SLC22A23: variants seen among roughly 807,000 people sequenced by gnomAD.
SLC22A23 encodes solute carrier family 22 member 23, also known as ion transporter protein.
Under a neutral mutation model 61.0 loss-of-function variants are expected in SLC22A23, and 26 were observed. The observed-to-expected ratio is 0.43, with a 90% CI of 0.31 to 0.59. The LOEUF is 0.59. SLC22A23 is among the 20% of genes least tolerant of loss of function. The pLI, the probability that SLC22A23 is intolerant of heterozygous loss-of-function variation, is 0.11. For synonymous variants in SLC22A23, 430 were observed against 413.9 expected, an observed-to-expected ratio of 1.04 and a Z score of -0.47; for missense variants, 796 against 934.7, an observed-to-expected ratio of 0.85 and a Z score of 1.94.
intron 4 of SLC22A23, among the ~76,000 whole-genome samples, chr6:3,316,294 T>G (rs943064479): frequency 2.2e-4 from 34 of 152,234 alleles, no homozygotes; most frequent in African/African-American, 8.2e-4. Flanking sequence ...CTCTGGTTCC[T>G]TGGATCCAGG....
intron 3 of SLC22A23, among the ~76,000 whole-genome samples, chr6:3,345,363 CTTTTTTTTTT>C (rs1163840651): frequency 8.0e-6 from 1 of 124,762 alleles, no homozygotes; most frequent in South Asian, 2.6e-4. Context: ...TATCTCTTTT[CTTTTTTTTTT>C]TTTTTTTTTG....
chr6:3,356,272 C>T (rs1765096788), intron 3 of SLC22A23, among the ~76,000 whole-genome samples: 1 of 151,284 alleles, frequency 6.6e-6, no homozygotes, highest in Non-Finnish European at 1.5e-5. Context: ...ATCTGGACTT[C>T]TGGCTCCTGG....
chr6:3,354,152 C>T (rs1414450825), intron 3 of SLC22A23, among the ~76,000 whole-genome samples: 2 of 152,206 alleles, frequency 1.3e-5, no homozygotes, highest in African/African-American at 4.8e-5. Context: ...AGACAAGAGC[C>T]ACATGCAACT....
intron 3 of SLC22A23, among the ~76,000 whole-genome samples, chr6:3,379,714 T>C (rs1766832136): frequency 6.6e-6 from 1 of 151,922 alleles, no homozygotes; most frequent in Admixed American, 6.6e-5. Flanking sequence ...GTTGAAAACC[T>C]AAACCTTTGC....
intron 6 of SLC22A23, among the ~76,000 whole-genome samples, chr6:3,287,456 A>C (rs1237098488): frequency 6.7e-6 from 1 of 149,992 alleles, no homozygotes; most frequent in Non-Finnish European, 1.5e-5. Flanking sequence ...CCGCAATCCA[A>C]CAGCCACTGC....
chr6:3,359,493 C>G (rs533253675), intron 3 of SLC22A23, among the ~76,000 whole-genome samples: 3 of 152,196 alleles, frequency 2.0e-5, no homozygotes, highest in African/African-American at 7.2e-5. Flanking sequence ...TGTGGTAGCC[C>G]TTCACATCCA....
chr6:3,440,973 T>TCC (rs991179657), intron 1 of SLC22A23, among the ~76,000 whole-genome samples: 46 of 152,238 alleles, frequency 3.0e-4, no homozygotes, highest in African/African-American at 8.7e-4. Flanking sequence ...TTGTGTGGGG[T>TCC]CCGGCATCAG....
intron 3 of SLC22A23, among the ~76,000 whole-genome samples, chr6:3,380,248 T>G (rs1385909988): frequency 6.6e-6 from 1 of 152,172 alleles, no homozygotes; most frequent in Non-Finnish European, 1.5e-5. Context: ...CTGAAATGAA[T>G]TGGTCTGGGT....
At chr6:3,375,189 A>G (rs1217045391) in intron 3 of SLC22A23, among the ~76,000 whole-genome samples, 6 of 152,230 alleles carry the variant, frequency 3.9e-5, no homozygotes. Flanking sequence ...GCAGAAAAAA[A>G]TGACAAACAA....
At chr6:3,295,475 G>A (rs868233009) in intron 5 of SLC22A23, among the ~76,000 whole-genome samples, 1 of 152,302 alleles carries the variant, frequency 6.6e-6, no homozygotes, top group African/African-American at 2.4e-5. Context: ...GGCACTGGGA[G>A]GCACTGGAGA....
rs1272244579 is a variant in SLC22A23, at chr6:3,456,061, C to A, written c.499G>T (p.Ala167Ser). Residue 167 changes from alanine (A) to serine (S), a missense_variant, in exon 1 of 10, where the codon GCT becomes TCT. Physicochemically the swap from Ala to Ser is moderately conservative, Grantham distance 99. Transcript: ENST00000406686. This position sits in a 1 kb window ranked among gnomAD's most constrained non-coding sequence, Gnocchi z 7.1. ...TTPFATAPWE[A>S]AGNRSNSSGA... Reference sequence around the variant, plus strand: ...CTGCTGTTGCTCCGGTTGCCCGCAGCCTCCCAGGGGGCAGTGGCGAAGGGG... The same window carrying A: ...CTGCTGTTGCTCCGGTTGCCCGCAGACTCCCAGGGGGCAGTGGCGAAGGGG... 1.3e-6 allele frequency: 2 copies of A among 1,549,382 alleles called. No individual in the cohort carries two copies. Among genetic ancestry groups the A allele is most frequent in the African/African-American group, 2.7e-5 (2 of 73,144 alleles).
rs1581571606 is a variant in SLC22A23, at chr6:3,272,777, A to G, written c.*278T>C. 6.6e-6 allele frequency: 2 copies of G among 300,780 alleles called. No homozygotes were observed. Among genetic ancestry groups the G allele is most frequent in the East Asian group, 7.0e-5 (1 of 14,240 alleles). The allele number at this position is 300,780 out of a possible 1,614,324, so 18.6% of individuals were successfully genotyped here. A position where few individuals can be genotyped will look rare whatever the true frequency, so the allele number is the denominator to read the frequency against. On this transcript the variant is annotated 3_prime_UTR_variant, in exon 10 of 10. Coordinates refer to ENST00000406686, the MANE Select transcript of SLC22A23 (RefSeq NM_015482.2). ...GGTGATTCCATTTGTGATCAGTGAG[A>G]GGGAGAGGGAATAAAGTGCTTCTCG...
chr6:3,284,050 C>T (rs1759738100), intron 8 of SLC22A23, 75 bp from the exon 9 acceptor site: 1 of 1,446,292 alleles, frequency 6.9e-7, no homozygotes, highest in African/African-American at 1.4e-5. Context: ...CCTGGGGCTG[C>T]ACAGCACAGC....
At chr6:3,279,536 A>AAAAAAAAAAAAAAAAAAC in intron 9 of SLC22A23, among the ~76,000 whole-genome samples, 1 of 146,950 alleles carries the variant, frequency 6.8e-6, no homozygotes. Context: ...AAAAAAAAAA[A>AAAAAAAAAAAAAAAAAAC]TCCTTGACAT....
chr6:3,431,298 A>G (rs141709442), intron 1 of SLC22A23, among the ~76,000 whole-genome samples: 6 of 152,350 alleles, frequency 3.9e-5, no homozygotes, highest in African/African-American at 1.4e-4. Flanking sequence ...TGTTAACTCA[A>G]TCAAACCTTA....
rs9503553 is a variant in SLC22A23, at chr6:3,348,465, C to A, written c.914-24463G>T. Among the ~76,000 whole-genome samples, 1,245 of 152,312 alleles carry A rather than the reference C, an allele frequency of 8.2e-3. 23 individuals carry two copies. The highest frequency in any genetic ancestry group is 0.029 in the African/African-American group (1,189 of 41,554). ...ATTGTGTTTATCTTGCTCTCAGTTT[C>A]TTTATTTAGCAAGGCCACTGTCTTC... On this transcript the variant is annotated intron_variant, in intron 3 of 9. Transcript: ENST00000406686.
intron 1 of SLC22A23, among the ~76,000 whole-genome samples, chr6:3,452,357 C>T (rs1014973583): frequency 1.3e-5 from 2 of 152,118 alleles, no homozygotes; most frequent in African/African-American, 4.8e-5. Context: ...CTTTGGGAGG[C>T]CGAGGCAGAA....
chr6:3,438,670 C>A, intron 1 of SLC22A23: 1 of 385,344 alleles, frequency 2.6e-6, no homozygotes, highest in Non-Finnish European at 5.1e-6. Context: ...TAGTAATTAA[C>A]CGTTATTCTA....
intron 3 of SLC22A23, among the ~76,000 whole-genome samples, chr6:3,388,689 G>T (rs573072682): frequency 6.6e-6 from 1 of 152,110 alleles, no homozygotes; most frequent in African/African-American, 2.4e-5. Context: ...AGCAAAATGC[G>T]GTCCATCCAT....
Sources: allele counts gnomAD v4.1 joint callset (sites outside exome capture counted in the v4.1 genomes callset), GRCh38; gene constraint gnomAD v4.1.1; non-coding constraint Gnocchi (gnomAD v3.1); transcripts MANE v1.5; gene names NCBI Gene and HGNC (gene_info 2026-07-23, HGNC 2026-07-21).